Variants in CARS1 observed in about 807,000 individuals in gnomAD.
The protein encoded by CARS1 is cysteinyl-tRNA synthetase 1, also known as cysteine--tRNA ligase, cytoplasmic.
Under a neutral mutation model 106.2 loss-of-function variants are expected in CARS1, and 48 were observed. The ratio of observed to expected loss-of-function variants is 0.45; its 90% confidence interval spans 0.36 to 0.57. The LOEUF (loss-of-function observed/expected upper bound fraction) is 0.57. CARS1 is among the 20% of genes least tolerant of loss of function. CARS1 has a pLI of 0.00. For synonymous variants in CARS1, 409 were observed against 403.4 expected, an observed-to-expected ratio of 1.01 and a Z score of -0.17; for missense variants, 968 against 1,057.2, an observed-to-expected ratio of 0.92 and a Z score of 1.17.
In CARS1 at chr11:3,017,800, G is replaced by C; in HGVS notation, c.1727+57C>G. Reference sequence around the variant, plus strand: ...AGGACACATGGTGGCCAAGATGCGAGGCTAGGCATAGAACATGGGCATGCT... The same window carrying C: ...AGGACACATGGTGGCCAAGATGCGACGCTAGGCATAGAACATGGGCATGCT... On this transcript the variant is annotated intron_variant, in intron 15 of 22. Coordinates refer to ENST00000380525, the MANE Select transcript of CARS1 (RefSeq NM_001014437.3). The surrounding 1 kb of genome is among the most constrained non-coding windows in gnomAD (Gnocchi z 4.9). 8.6e-7 allele frequency: 1 copy of C among 1,160,316 alleles called. No individual in the cohort carries two copies. The highest frequency in any genetic ancestry group is 2.3e-5 in the East Asian group (1 of 42,788). The allele number at this position is 1,160,316 out of a possible 1,614,324, so 71.9% of individuals were successfully genotyped here.
chr11:3,015,275 T>C (rs1260600112), intron 17 of CARS1, among the ~76,000 whole-genome samples: 4 of 152,224 alleles, frequency 2.6e-5, no homozygotes, highest in African/African-American at 9.6e-5. Context: ...GCTCAGGCCA[T>C]GTGGACCGAC....
intron 2 of CARS1, among the ~76,000 whole-genome samples, chr11:3,042,520 C>T (rs140860771): frequency 9.5e-4 from 145 of 152,128 alleles, no homozygotes; most frequent in African/African-American, 3.4e-3. Flanking sequence ...TGCCTCCCGA[C>T]AACCGCGTCT....
chr11:3,005,957 T>C (rs1489684326), intron 19 of CARS1, among the ~76,000 whole-genome samples: 1 of 151,280 alleles, frequency 6.6e-6, no homozygotes, highest in Non-Finnish European at 1.5e-5. Context: ...CAGCCAGGAG[T>C]AGGAAAATAG....
chr11:3,006,030 G>A (rs953848446), intron 19 of CARS1, among the ~76,000 whole-genome samples: 6 of 152,176 alleles, frequency 3.9e-5, no homozygotes, highest in Admixed American at 2.0e-4. Context: ...TGGAGGGTTC[G>A]TAACACAAAG....
Position 3,000,937 on chromosome 11 carries a change from G to A in CARS1, c.*177C>T. 1 of 692,014 alleles carries A rather than the reference G, an allele frequency of 1.4e-6. No individual in the cohort carries two copies. Among genetic ancestry groups the A allele is most frequent in the Non-Finnish European group, 2.4e-6 (1 of 416,296 alleles). The allele number at this position is 692,014 out of a possible 1,614,324, so 42.9% of individuals were successfully genotyped here. On this transcript the variant is annotated 3_prime_UTR_variant, in exon 23 of 23. Coordinates refer to ENST00000380525, the MANE Select transcript of CARS1 (RefSeq NM_001014437.3). The surrounding 1 kb of genome is among the most constrained non-coding windows in gnomAD (Gnocchi z 7.1). Reference sequence around the variant, plus strand: ...ACAAGACAGAGAGGGTCTCACTGTTGAGAAAAATTTATTATCAATGTCTCA... The same window carrying A: ...ACAAGACAGAGAGGGTCTCACTGTTAAGAAAAATTTATTATCAATGTCTCA...
At chr11:3,009,584 G>A (rs1850242461) in intron 18 of CARS1, 1 of 152,216 alleles carries the variant, frequency 6.6e-6, no homozygotes, top group African/African-American at 2.4e-5. Context: ...ACAAAACCGT[G>A]GCGATGGGGA....
At position 3,040,549 on chromosome 11, in the gene CARS1, AC is replaced by A; in HGVS notation, c.455+346del. The A allele has an allele frequency of 2.0e-6, 1 of 499,164 alleles. No individual in the cohort carries two copies. The highest frequency in any genetic ancestry group is 3.9e-6 in the Non-Finnish European group (1 of 255,670). 30.9% of individuals were successfully genotyped at this position (499,164 alleles called of 1,614,324 possible). A position where few individuals can be genotyped will look rare whatever the true frequency, so the allele number is the denominator to read the frequency against. ...GTCAGGCCTGTCAGGTCTGAGTGTC[AC>A]GGGAACTCAGCATCTGGGGACCCCA... On this transcript the variant is annotated intron_variant, in intron 4 of 22. Transcript: ENST00000380525. The surrounding 1 kb of genome is among the most constrained non-coding windows in gnomAD (Gnocchi z 5.8).
rs755818585 is a variant in CARS1, at chr11:3,004,324, GA to G, written c.2217+1041del. ...AGCCACCCACACTTGGATCTGGCAT[GA>G]GCTCTCCCCTCGTGCCTTGGGCCAG... On this transcript the variant is annotated intron_variant, in intron 20 of 22. Transcript: ENST00000380525. This position sits in a 1 kb window ranked among gnomAD's most constrained non-coding sequence, Gnocchi z 5.2. Among the ~76,000 whole-genome samples, 1 of 152,220 alleles carries G rather than the reference GA, an allele frequency of 6.6e-6. No homozygotes were observed. The highest frequency in any genetic ancestry group is 1.5e-5 in the Non-Finnish European group (1 of 68,038).
Position 3,028,316 on chromosome 11 carries a change from G to T in CARS1, c.1031+680C>A. 1 of 533,728 alleles carries T rather than the reference G, an allele frequency of 1.9e-6. No homozygotes were observed. The highest frequency in any genetic ancestry group is 3.4e-6 in the Non-Finnish European group (1 of 291,634). 33.1% of individuals were successfully genotyped at this position (533,728 alleles called of 1,614,324 possible). ...GCATTCGGGGCCACTACCGGTCTCCGCGTCTTGGTGGTAGTGGTCCCCCGG... is the reference window on the plus strand; with the variant it reads ...GCATTCGGGGCCACTACCGGTCTCCTCGTCTTGGTGGTAGTGGTCCCCCGG... On this transcript the variant is annotated intron_variant, in intron 9 of 22. Coordinates refer to ENST00000380525, the MANE Select transcript of CARS1 (RefSeq NM_001014437.3). The surrounding 1 kb of genome is among the most constrained non-coding windows in gnomAD (Gnocchi z 4.4).
At chr11:3,015,722 G>T in intron 17 of CARS1, 59 bp downstream of exon 17, 1 of 1,441,638 alleles carries the variant, frequency 6.9e-7, no homozygotes, top group Non-Finnish European at 9.8e-7. Context: ...GAGGGACACA[G>T]AGGGGTAGGG....
At chr11:3,002,454 T>A in intron 21 of CARS1, 87 bp downstream of exon 21, 1 of 1,584,432 alleles carries the variant, frequency 6.3e-7, no homozygotes, top group East Asian at 2.2e-5. Context: ...CTGGCTAAGG[T>A]CCACGGAGGC....
Position 3,017,548 on chromosome 11 carries a change from CAGG to C in CARS1, c.1728-256_1728-254del. ...ACCCCAGCTACTCGGGAGGCTGAGG[CAGG>C]AGAATCGCTCGAACCCGGGAGGTGG... On this transcript the variant is annotated intron_variant, in intron 15 of 22. Coordinates refer to ENST00000380525, the MANE Select transcript of CARS1 (RefSeq NM_001014437.3). The surrounding 1 kb of genome is among the most constrained non-coding windows in gnomAD (Gnocchi z 4.9). The C allele has an allele frequency of 1.8e-6, 1 of 559,626 alleles. No individual in the cohort carries two copies. 34.7% of individuals were successfully genotyped at this position (559,626 alleles called of 1,614,324 possible). A position where few individuals can be genotyped will look rare whatever the true frequency, so the allele number is the denominator to read the frequency against.
At chr11:3,026,922 T>G in intron 9 of CARS1, 125 bp from the exon 10 acceptor site, 1 of 1,038,182 alleles carries the variant, frequency 9.6e-7, no homozygotes, top group South Asian at 1.6e-5. Context: ...CTACTCTCTG[T>G]GGTGGCCACT....
Position 3,041,008 on chromosome 11 carries a change from C to A in CARS1, c.367-24G>T. The stretch of plus-strand genomic sequence containing the variant: ...TCCTTTGTTAGGAATGAAGGAATGA[C>A]GATCACAAGAAATGCAAGAAACACT... On this transcript the variant is annotated intron_variant, in intron 3 of 22. Transcript: ENST00000380525. The surrounding 1 kb of genome is among the most constrained non-coding windows in gnomAD (Gnocchi z 4.9). 3 of 1,613,890 alleles carry A rather than the reference C, an allele frequency of 1.9e-6. No homozygotes were observed. The highest frequency in any genetic ancestry group is 2.5e-6 in the Non-Finnish European group (3 of 1,179,894).
intron 17 of CARS1, among the ~76,000 whole-genome samples, chr11:3,014,374 T>C (rs369307702): frequency 9.9e-5 from 15 of 152,224 alleles, no homozygotes; most frequent in African/African-American, 3.6e-4. Context: ...CCATGATGTG[T>C]GGGCACAGGA....
At chr11:3,015,460 T>C (rs1282394493) in intron 17 of CARS1, among the ~76,000 whole-genome samples, 1 of 152,236 alleles carries the variant, frequency 6.6e-6, no homozygotes, top group African/African-American at 2.4e-5. Flanking sequence ...AAGTCATGTG[T>C]GTTCATGATG....
intron 9 of CARS1, chr11:3,027,774 C>T (rs1025336543): frequency 2.4e-4 from 110 of 453,194 alleles, no homozygotes; most frequent in Admixed American, 1.1e-3. Flanking sequence ...CTAGTGGTAA[C>T]GCCAGCGTCT....
rs566669516 is a variant in CARS1, at chr11:3,050,900, T to C, written c.26-2899A>G. Among the ~76,000 whole-genome samples the C allele has an allele frequency of 6.6e-6, 1 of 152,346 alleles. No individual in the cohort carries two copies. Among genetic ancestry groups the C allele is most frequent in the South Asian group, 2.1e-4 (1 of 4,830 alleles). On this transcript the variant is annotated intron_variant, in intron 1 of 22. Coordinates refer to ENST00000380525, the MANE Select transcript of CARS1 (RefSeq NM_001014437.3). The surrounding 1 kb of genome is among the most constrained non-coding windows in gnomAD (Gnocchi z 6.3). Reference sequence around the variant, plus strand: ...CTAACACGTGCCCGCATTTCTTTCCTTCACCATCTGCCCCACCGCTCCATC... The same window carrying C: ...CTAACACGTGCCCGCATTTCTTTCCCTCACCATCTGCCCCACCGCTCCATC...
chr11:3,002,697 G>T, intron 20 of CARS1, 97 bp from the exon 21 acceptor site: 2 of 1,573,042 alleles, frequency 1.3e-6, no homozygotes. Flanking sequence ...CTCTCCTAGG[G>T]CCTGGCATGG....
Sources: allele counts gnomAD v4.1 joint callset (sites outside exome capture counted in the v4.1 genomes callset), GRCh38; gene constraint gnomAD v4.1.1; non-coding constraint Gnocchi (gnomAD v3.1); transcripts MANE v1.5; gene names NCBI Gene and HGNC (gene_info 2026-07-23, HGNC 2026-07-21).